TECRL: variants seen among roughly 807,000 people sequenced by gnomAD.
The protein encoded by TECRL is trans-2,3-enoyl-CoA reductase like.
In TECRL, 63 loss-of-function variants were observed where a neutral mutation model predicts 52.8. That is an observed-to-expected ratio of 1.19 (90% confidence interval 0.97 to 1.47). TECRL has a LOEUF of 1.47. Ranked by LOEUF, TECRL falls within the 40% of genes most tolerant of loss-of-function variation. The pLI, the probability that TECRL is intolerant of heterozygous loss-of-function variation, is 0.00. For missense variants in TECRL, 482 were observed against 429.6 expected (o/e 1.12, Z -1.08); for synonymous variants, 164 against 141.9 (o/e 1.16, Z -1.10).
chr4:64,396,498 G>GTTGT (rs546000390), intron 1 of TECRL, among the ~76,000 whole-genome samples: 417 of 151,974 alleles, frequency 2.7e-3, no homozygotes, highest in African/African-American at 9.4e-3. Context: ...TTTAAATGTG[G>GTTGT]TTGTTTGTTT....
At chr4:64,300,520 G>T (rs1036529807) in intron 7 of TECRL, among the ~76,000 whole-genome samples, 3 of 150,622 alleles carry the variant, frequency 2.0e-5, no homozygotes, top group African/African-American at 4.8e-5. Flanking sequence ...TATAGGTTAA[G>T]TTCCAAAGGG....
At chr4:64,325,705 C>T (rs1236484829) in intron 3 of TECRL, among the ~76,000 whole-genome samples, 1 of 151,806 alleles carries the variant, frequency 6.6e-6, no homozygotes, top group African/African-American at 2.4e-5. Context: ...CTTTGTATCA[C>T]TTGAAAGTGT....
chr4:64,403,615 T>G (rs1724511905), intron 1 of TECRL, among the ~76,000 whole-genome samples: 2 of 151,786 alleles, frequency 1.3e-5, no homozygotes, highest in African/African-American at 4.8e-5. Flanking sequence ...TCCTGTTCCA[T>G]AAAAAATGAA....
intron 9 of TECRL, among the ~76,000 whole-genome samples, chr4:64,289,343 T>G (rs1723249625): frequency 6.6e-6 from 1 of 152,328 alleles, no homozygotes; most frequent in Admixed American, 6.5e-5. Context: ...ATAGTAGGAC[T>G]TTATCAAATA....
chr4:64,309,915 G>A lies in TECRL; in HGVS notation c.568C>T (p.His190Tyr), dbSNP rs1220140807. The change falls in exon 6 of 12, where the codon CAT becomes TAT. Residue 190 changes from histidine (H) to tyrosine (Y), a missense_variant. Transcript: ENST00000381210. Reference protein sequence around the residue: ...HPVVHLACFCHCIHYIRYLLE... With the variant: ...HPVVHLACFCYCIHYIRYLLE... ...AGGTATCGGATGTAGTGTATACAAT[G>A]ACAGAAGCAAGCCAAGCTGGAAAAA... is the stretch of plus-strand genomic sequence containing the variant. 3 of 1,595,956 alleles carry A rather than the reference G, an allele frequency of 1.9e-6. No individual in the cohort carries two copies. The highest frequency in any genetic ancestry group is 2.6e-6 in the Non-Finnish European group (3 of 1,172,926).
chr4:64,277,089 T>C (rs1722598889), downstream of TECRL: 2 of 1,420,794 alleles, frequency 1.4e-6, no homozygotes, highest in South Asian at 1.3e-5. Flanking sequence ...AAAAAACACA[T>C]TTCATAATTA....
At chr4:64,347,812 G>A (rs1685038330) in intron 2 of TECRL, among the ~76,000 whole-genome samples, 2 of 151,976 alleles carry the variant, frequency 1.3e-5, no homozygotes, top group Admixed American at 1.3e-4. Context: ...GTTTGGGTTG[G>A]GACACAGAGC....
At chr4:64,304,419 G>A (rs1036868154) in intron 7 of TECRL, among the ~76,000 whole-genome samples, 7 of 151,754 alleles carry the variant, frequency 4.6e-5, no homozygotes, top group African/African-American at 1.5e-4. Context: ...AAGAAATAAA[G>A]GAAGTTTAAG....
chr4:64,281,052 T>A lies in TECRL; in HGVS notation c.953A>T (p.Gln318Leu). The A allele has an allele frequency of 1.2e-6, 2 of 1,602,790 alleles. No individual in the cohort carries two copies. Among genetic ancestry groups the A allele is most frequent in the Non-Finnish European group, 1.7e-6 (2 of 1,172,666 alleles). Reference protein sequence around the residue: ...GSWISFTVMTQTLPVGIFTLL... With the variant: ...GSWISFTVMTLTLPVGIFTLL... ...TATCTAGGTCTTACCTGGCAGTGTTTGTGTCATGACTGTGAAACTAATCCA... is the reference window on the plus strand; with the variant it reads ...TATCTAGGTCTTACCTGGCAGTGTTAGTGTCATGACTGTGAAACTAATCCA... Residue 318 changes from glutamine (Q) to leucine (L), a missense_variant, in exon 11 of 12, where the codon CAA (glutamine) becomes CTA (leucine). Coordinates refer to ENST00000381210, the MANE Select transcript of TECRL (RefSeq NM_001010874.5).
chr4:64,358,109 A>G (rs1720906680), intron 2 of TECRL, among the ~76,000 whole-genome samples: 1 of 151,816 alleles, frequency 6.6e-6, no homozygotes, highest in Non-Finnish European at 1.5e-5. Context: ...AAACGAAAAA[A>G]AAAAGACATT....
chr4:64,340,002 C>G (rs1315066657), intron 2 of TECRL, among the ~76,000 whole-genome samples: 1 of 152,124 alleles, frequency 6.6e-6, no homozygotes, highest in African/African-American at 2.4e-5. Flanking sequence ...CAACCGTAAA[C>G]CTCGTTTTAC....
intron 1 of TECRL, among the ~76,000 whole-genome samples, chr4:64,397,109 CAA>C: frequency 6.6e-6 from 1 of 151,396 alleles, no homozygotes; most frequent in Admixed American, 6.6e-5. Flanking sequence ...TATAAAACAA[CAA>C]AAAAAAATTT....
intron 9 of TECRL, 130 bp downstream of exon 9, chr4:64,289,580 G>T (rs2109945986): frequency 1.4e-6 from 1 of 703,656 alleles, no homozygotes; most frequent in South Asian, 2.2e-5. Context: ...AGACATAAAA[G>T]GGAAAAAATG....
At chr4:64,338,784 C>T (rs562528880) in intron 2 of TECRL, among the ~76,000 whole-genome samples, 1 of 152,270 alleles carries the variant, frequency 6.6e-6, no homozygotes, top group East Asian at 1.9e-4. Flanking sequence ...CAGGAAACAA[C>T]AGGTGCTGGA....
At chr4:64,280,290 G>A (rs1020417692) in intron 11 of TECRL, 91 bp from the exon 12 acceptor site, 3 of 1,044,362 alleles carry the variant, frequency 2.9e-6, no homozygotes, top group South Asian at 2.6e-5. Flanking sequence ...TAGCTTTTAA[G>A]ATGTTTCTCA....
intron 2 of TECRL, among the ~76,000 whole-genome samples, chr4:64,337,371 C>G (rs1719178319): frequency 1.3e-5 from 2 of 152,138 alleles, no homozygotes; most frequent in Non-Finnish European, 2.9e-5. Context: ...TGGCACAAGA[C>G]AGGAATGCCC....
intron 2 of TECRL, among the ~76,000 whole-genome samples, chr4:64,355,171 T>A (rs1368298280): frequency 2.0e-5 from 3 of 152,140 alleles, no homozygotes; most frequent in African/African-American, 7.2e-5. Context: ...GATAGGTCAT[T>A]ATAAAACAAA....
rs181972152 is a variant in TECRL at position 64,397,184 on chromosome 4, T to A, written c.234+11934A>T. ...TTTTCAGGTTTCTATGTAGGGAGAT[T>A]GCCTTCATTCATTATATACCCAAAC... is the stretch of plus-strand genomic sequence containing the variant. On this transcript the variant is annotated intron_variant, in intron 1 of 11. Coordinates refer to ENST00000381210, the MANE Select transcript of TECRL (RefSeq NM_001010874.5). Among the ~76,000 whole-genome samples the A allele has an allele frequency of 7.9e-4, 120 of 152,250 alleles. 1 individual carries two copies. The highest frequency in any genetic ancestry group is 2.8e-3 in the African/African-American group (118 of 41,572).
At chr4:64,348,077 C>G (rs1227282911) in intron 2 of TECRL, among the ~76,000 whole-genome samples, 1 of 152,102 alleles carries the variant, frequency 6.6e-6, no homozygotes, top group African/African-American at 2.4e-5. Context: ...ACTCCGGGTA[C>G]CAATTTACCG....
Sources: allele counts gnomAD v4.1 joint callset (sites outside exome capture counted in the v4.1 genomes callset), GRCh38; gene constraint gnomAD v4.1.1; transcripts MANE v1.5; gene names NCBI Gene and HGNC (gene_info 2026-07-23, HGNC 2026-07-21).